The following RP1L1 variants were observed in gnomAD, a reference collection of about 807,000 sequenced individuals.
RP1L1 encodes RP1 like 1.
A neutral mutation model predicts 15.7 loss-of-function variants in RP1L1; 27 were observed. That is an observed-to-expected ratio of 1.72 (90% CI 1.27 to 2.38). The LOEUF (loss-of-function observed/expected upper bound fraction) is 2.38. Ranked by LOEUF, RP1L1 falls within the 30% of genes most tolerant of loss-of-function variation. RP1L1 has a pLI of 0.00. For missense variants in RP1L1, 4,798 were observed against 3,075.9 expected (o/e 1.56, Z -13.24); for synonymous variants, 1,813 against 1,276.7 (o/e 1.42, Z -8.96).
chr8:10,627,982 C>G (rs1172916378), intron 1 of RP1L1, among the ~76,000 whole-genome samples: 1 of 152,232 alleles, frequency 6.6e-6, no homozygotes, highest in East Asian at 1.9e-4. Flanking sequence ...TGAGGCACAG[C>G]TTGGGGAGGC....
chr8:10,644,678 G>A (rs1423185009), intron 1 of RP1L1, among the ~76,000 whole-genome samples: 3 of 152,146 alleles, frequency 2.0e-5, no homozygotes, highest in Non-Finnish European at 2.9e-5. Flanking sequence ...TTTCCCTGAC[G>A]ATGCTGTGAA....
In RP1L1 at chr8:10,640,610, G is replaced by A. The variant is rs1289739696; in HGVS notation, c.-20+14288C>T. On this transcript the variant is annotated intron_variant, in intron 1 of 3. Coordinates refer to ENST00000382483, the MANE Select transcript of RP1L1 (RefSeq NM_178857.6). ...GGAGATTGCTGTGAGCCAAGATCACGCCACTGCACTCCAGCCTAGGTGACA... is the reference window on the plus strand; with the variant it reads ...GGAGATTGCTGTGAGCCAAGATCACACCACTGCACTCCAGCCTAGGTGACA... 2.6e-5 allele frequency among the ~76,000 whole-genome samples: 4 copies of A among 151,552 alleles called. No individual in the cohort carries two copies. Among genetic ancestry groups the A allele is most frequent in the African/African-American group, 9.7e-5 (4 of 41,222 alleles).
intron 1 of RP1L1, among the ~76,000 whole-genome samples, chr8:10,629,852 C>A (rs1386556983): frequency 6.6e-6 from 1 of 152,032 alleles, no homozygotes; most frequent in African/African-American, 2.4e-5. Context: ...TGACTGAGAT[C>A]CCATTCTGCC....
In RP1L1 at chr8:10,610,609, A is replaced by G. The variant is rs754578810; in HGVS notation, c.3489T>C (p.Val1163=). ...GGCCTGAGTCCAGCTGGTCTTCCCC[A>G]ACGTCACATCCTGGCCACAGGTCCT... The part of the protein sequence containing the change: ...ISKDLWPGCD[V]GEDQLDSGLW... Residue 1163 remains valine, a synonymous_variant, in exon 4 of 4, where the codon GTT becomes GTC. Transcript: ENST00000382483. 3.1e-6 allele frequency: 5 copies of G among 1,613,550 alleles called. No homozygotes were observed.
chr8:10,640,525 T>C (rs189123676), intron 1 of RP1L1, among the ~76,000 whole-genome samples: 6 of 151,952 alleles, frequency 3.9e-5, no homozygotes, highest in Admixed American at 3.9e-4. Context: ...TGGTGGTGGG[T>C]GCCTGTAATC....
At position 10,607,172 on chromosome 8, in the gene RP1L1, C is replaced by T; in HGVS notation, c.6926G>A (p.Cys2309Tyr). ...SSSRASSWGN[C>Y]WQKDSENDHV... is the part of the protein sequence containing the mutation. ...GTCATTTTCTGAGTCTTTCTGCCAGCAGTTGCCCCAAGAGGATGCTCTGGA... is the reference window on the plus strand; with the variant it reads ...GTCATTTTCTGAGTCTTTCTGCCAGTAGTTGCCCCAAGAGGATGCTCTGGA... Residue 2309 changes from cysteine (C) to tyrosine (Y), a missense_variant, in exon 4 of 4, where the codon TGC (cysteine) becomes TAC (tyrosine). Cys to Tyr is a radical substitution (Grantham distance 194). Transcript: ENST00000382483. 1 of 1,614,234 alleles carries T rather than the reference C, an allele frequency of 6.2e-7. No individual in the cohort carries two copies. Among genetic ancestry groups the T allele is most frequent in the South Asian group, 1.1e-5 (1 of 91,088 alleles).
At chr8:10,637,748 T>A (rs149004200) in intron 1 of RP1L1, among the ~76,000 whole-genome samples, 61 of 152,148 alleles carry the variant, frequency 4.0e-4, no homozygotes, top group African/African-American at 1.4e-3. Context: ...TGCATAGGAG[T>A]TTATTTCCCT....
At chr8:10,622,497 C>T (rs1798076480) in intron 2 of RP1L1, 96 bp downstream of exon 2, 10 of 1,540,350 alleles carry the variant, frequency 6.5e-6, no homozygotes, top group Non-Finnish European at 9.0e-6. Context: ...CAATCAAATG[C>T]CTCTTTTTAA....
chr8:10,651,186 G>C (rs780717180), intron 1 of RP1L1, among the ~76,000 whole-genome samples: 1 of 141,244 alleles, frequency 7.1e-6, no homozygotes, highest in Non-Finnish European at 1.6e-5. Flanking sequence ...CACAGTGTAG[G>C]TCTTGGGCCT....
At chr8:10,644,095 C>A (rs1465330171) in intron 1 of RP1L1, among the ~76,000 whole-genome samples, 2 of 152,020 alleles carry the variant, frequency 1.3e-5, no homozygotes, top group Non-Finnish European at 2.9e-5. Flanking sequence ...TGGCTCAATT[C>A]TACCTCTTTT....
intron 1 of RP1L1, among the ~76,000 whole-genome samples, chr8:10,632,237 T>C (rs946277672): frequency 2.0e-5 from 3 of 152,220 alleles, no homozygotes; most frequent in Non-Finnish European, 2.9e-5. Flanking sequence ...CCATTTTCCC[T>C]GCTTAGATTT....
In RP1L1 at chr8:10,612,525, C is replaced by T. The variant is rs556627161; in HGVS notation, c.1573G>A (p.Ala525Thr). ...PEQGGRLTPR[A>T]RSEEGASSDS... is the part of the protein sequence containing the mutation. The stretch of plus-strand genomic sequence containing the variant: ...GAAGAAGCCCCCTCCTCACTCCGGG[C>T]CCTCGGTGTCAGGCGGCCGCCTTGC... The change falls in exon 4 of 4, where the codon GCC becomes ACC. Residue 525 changes from alanine (A) to threonine (T), a missense_variant. By Grantham distance (58) the Ala-to-Thr change is moderately conservative (BLOSUM62 0). Transcript: ENST00000382483. The T allele has an allele frequency of 3.7e-6, 6 of 1,610,902 alleles. No homozygotes were observed. The highest frequency in any genetic ancestry group is 5.1e-6 in the Non-Finnish European group (6 of 1,179,522).
intron 1 of RP1L1, among the ~76,000 whole-genome samples, chr8:10,650,211 A>G (rs1237058933): frequency 6.6e-6 from 1 of 152,184 alleles, no homozygotes; most frequent in Non-Finnish European, 1.5e-5. Flanking sequence ...GTCTCTACTC[A>G]TGAAGCCAGT....
At chr8:10,616,029 C>A (rs989474777) in intron 3 of RP1L1, among the ~76,000 whole-genome samples, 2 of 152,154 alleles carry the variant, frequency 1.3e-5, no homozygotes, top group Non-Finnish European at 2.9e-5. Flanking sequence ...CTCAGCCTCC[C>A]AAGTAGCTGA....
chr8:10,626,670 C>G (rs1343140168), intron 1 of RP1L1, among the ~76,000 whole-genome samples: 1 of 152,162 alleles, frequency 6.6e-6, no homozygotes, highest in Non-Finnish European at 1.5e-5. Flanking sequence ...GACAAAGACA[C>G]GCCATTCATT....
rs1312602918 is a variant in RP1L1 at position 10,607,809 on chromosome 8, C to G, written c.6289G>C (p.Glu2097Gln). 4 of 1,593,794 alleles carry G rather than the reference C, an allele frequency of 2.5e-6. No homozygotes were observed. The highest frequency in any genetic ancestry group is 2.6e-6 in the Non-Finnish European group (3 of 1,166,402). Residue 2097 changes from glutamate (E) to glutamine (Q), a missense_variant, in exon 4 of 4, where the codon GAA (glutamate) becomes CAA (glutamine). Coordinates refer to ENST00000382483, the MANE Select transcript of RP1L1 (RefSeq NM_178857.6). ...TCTGGGGCCTCTACACCTTCTGATTCTGGCTGGGCCTCCCCTTCTGCCTCC... is the reference window on the plus strand; with the variant it reads ...TCTGGGGCCTCTACACCTTCTGATTGTGGCTGGGCCTCCCCTTCTGCCTCC... ...AQEAEGEAQP[E>Q]SEGVEAPEAE...
At chr8:10,619,709 C>T (rs1192855975) in intron 2 of RP1L1, among the ~76,000 whole-genome samples, 1 of 152,024 alleles carries the variant, frequency 6.6e-6, no homozygotes, top group African/African-American at 2.4e-5. Context: ...GGCAGATCAC[C>T]TGAGGTCAAG....
chr8:10,623,040 G>C lies in RP1L1; in HGVS notation c.162C>G (p.His54Gln), dbSNP rs1047768823. 6 of 1,614,176 alleles carry C rather than the reference G, an allele frequency of 3.7e-6. No homozygotes were observed. The East Asian group carries it at 6.7e-5, about 18-fold the overall frequency. Reference protein sequence around the residue: ...PRFAGVRLAVHQRAFKTFSAL... With the variant: ...PRFAGVRLAVQQRAFKTFSAL... ...CGCTGAAGGTCTTAAAGGCGCGCTGGTGAACGGCCAGGCGGACCCCAGCAA... is the reference window on the plus strand; with the variant it reads ...CGCTGAAGGTCTTAAAGGCGCGCTGCTGAACGGCCAGGCGGACCCCAGCAA... The change falls in exon 2 of 4, where the codon CAC becomes CAG. Residue 54 changes from histidine to glutamine, a missense_variant. His to Gln is a conservative substitution (Grantham distance 24, BLOSUM62 0). Coordinates refer to ENST00000382483, the MANE Select transcript of RP1L1 (RefSeq NM_178857.6).
At chr8:10,647,706 T>G (rs748427830) in intron 1 of RP1L1, among the ~76,000 whole-genome samples, 1 of 152,260 alleles carries the variant, frequency 6.6e-6, no homozygotes, top group Non-Finnish European at 1.5e-5. Flanking sequence ...TTCCACCTCA[T>G]GTATATGCCA....
Sources: allele counts gnomAD v4.1 joint callset (sites outside exome capture counted in the v4.1 genomes callset), GRCh38; gene constraint gnomAD v4.1.1; transcripts MANE v1.5; gene names NCBI Gene and HGNC (gene_info 2026-07-23, HGNC 2026-07-21).